The following SLC25A48 variants were observed in gnomAD, a reference collection of about 807,000 sequenced individuals.
SLC25A48 encodes the protein CTC-321K16.1.
A neutral mutation model predicts 32.2 loss-of-function variants in SLC25A48; 29 were observed. The observed-to-expected ratio is 0.90, with a 90% confidence interval of 0.67 to 1.23. The LOEUF is 1.23. Ranked by LOEUF, SLC25A48 falls within the 50% of genes most tolerant of loss-of-function variation. The pLI is 0.00. For synonymous variants in SLC25A48, 164 were observed against 172.3 expected (o/e 0.95, Z 0.38); for missense variants, 399 against 422.7 (o/e 0.94, Z 0.49).
chr5:135,883,401 G>C, intron 7 of SLC25A48: 10 of 985,454 alleles, frequency 1.0e-5, no homozygotes, highest in Non-Finnish European at 1.2e-5. Flanking sequence ...TGAATTCATG[G>C]AAGAGCTGGA....
At chr5:135,775,596 T>A (rs1000952651) in intron 3 of SLC25A48, among the ~76,000 whole-genome samples, 9 of 151,414 alleles carry the variant, frequency 5.9e-5, no homozygotes, top group East Asian at 1.9e-4. Flanking sequence ...ATAATAGTAA[T>A]CTTAATAACG....
chr5:135,749,500 A>G (rs991877226), intron 3 of SLC25A48, among the ~76,000 whole-genome samples: 2 of 152,142 alleles, frequency 1.3e-5, no homozygotes, highest in African/African-American at 2.4e-5. Context: ...CTGGGCAGGA[A>G]TCTGATCTGC....
chr5:135,780,728 T>C lies in SLC25A48; in HGVS notation c.-520-31795T>C, dbSNP rs1756698722. On this transcript the variant is annotated intron_variant, in intron 3 of 10. Transcript: ENST00000646290. ...TATATCCAGGGTTGGGAGAGGATGA[T>C]ATTATACCCAAAATTGCAGGGGGTG... Among the ~76,000 whole-genome samples, 4 of 116,172 alleles carry C rather than the reference T, an allele frequency of 3.4e-5. 1 individual carries two copies. In the South Asian group the frequency reaches 1.2e-3, roughly 36 times the overall value. The allele number at this position is 116,172 out of a possible 152,430, so 76.2% of individuals were successfully genotyped here. A position where few individuals can be genotyped will look rare whatever the true frequency, so the allele number is the denominator to read the frequency against.
rs113439837 is a variant in SLC25A48, at chr5:135,879,615, T to A, written c.814-353T>A. ...GAGAGAGAGAGAGAGAGAGAGAGTG[T>A]GTGTGTGTGTGTGTGTGTGTGTGTG... is the stretch of plus-strand genomic sequence containing the variant. On this transcript the variant is annotated intron_variant, in intron 6 of 7. Coordinates refer to ENST00000681962, the MANE Select transcript of SLC25A48 (RefSeq NM_001349336.2). 3.4e-3 allele frequency among the ~76,000 whole-genome samples: 431 copies of A among 127,014 alleles called. 2 individuals carry two copies. Among genetic ancestry groups the A allele is most frequent in the East Asian group, 7.6e-3 (38 of 5,016 alleles). 83.3% of individuals were successfully genotyped at this position (127,014 alleles called of 152,430 possible).
rs143264368 is a variant in SLC25A48, at chr5:135,638,564, G to T, written c.-521+3608G>T. ...ACTGTGCTCATTTTGTTTCTGAGTTGTGTGCAGTGGATTGTGTATCACTTA... is the reference window on the plus strand; with the variant it reads ...ACTGTGCTCATTTTGTTTCTGAGTTTTGTGCAGTGGATTGTGTATCACTTA... On this transcript the variant is annotated intron_variant, in intron 3 of 10. Transcript: ENST00000646290. Among the ~76,000 whole-genome samples the T allele has an allele frequency of 1.6e-3, 251 of 152,310 alleles. 1 individual carries two copies. Among genetic ancestry groups the T allele is most frequent in the African/African-American group, 5.8e-3 (240 of 41,566 alleles).
At chr5:135,808,067 GT>G (rs1757504598) in intron 3 of SLC25A48, among the ~76,000 whole-genome samples, 1 of 150,268 alleles carries the variant, frequency 6.7e-6, no homozygotes. Flanking sequence ...ATATCATAGT[GT>G]GTTAACACTA....
At chr5:135,738,062 G>A (rs1755417024) in intron 3 of SLC25A48, among the ~76,000 whole-genome samples, 1 of 152,198 alleles carries the variant, frequency 6.6e-6, no homozygotes, top group Admixed American at 6.5e-5. Context: ...GACTGTGATA[G>A]AGACTTTCCT....
intron 1 of SLC25A48, among the ~76,000 whole-genome samples, chr5:135,624,906 T>C (rs1245235056): frequency 1.3e-5 from 2 of 152,154 alleles, no homozygotes; most frequent in Non-Finnish European, 2.9e-5. Flanking sequence ...GCTAATACAA[T>C]GAAGTGATGT....
intron 4 of SLC25A48, among the ~76,000 whole-genome samples, chr5:135,866,715 C>A (rs1322382357): frequency 6.6e-6 from 1 of 152,244 alleles, no homozygotes; most frequent in African/African-American, 2.4e-5. Context: ...GCCAGATAGC[C>A]ATGGCCTGTG....
chr5:135,767,989 T>C (rs1210366852), intron 3 of SLC25A48, among the ~76,000 whole-genome samples: 3 of 145,292 alleles, frequency 2.1e-5, no homozygotes, highest in Non-Finnish European at 4.5e-5. Flanking sequence ...ACTCCCAATA[T>C]CACAGCGGGT....
intron 1 of SLC25A48, among the ~76,000 whole-genome samples, chr5:135,604,009 C>T (rs1002005487): frequency 6.6e-6 from 1 of 152,194 alleles, no homozygotes; most frequent in Non-Finnish European, 1.5e-5. Flanking sequence ...AGAAAACAAA[C>T]AGCTTTGACT....
intron 4 of SLC25A48, among the ~76,000 whole-genome samples, chr5:135,815,025 A>G (rs1228710457): frequency 1.3e-5 from 2 of 152,204 alleles, no homozygotes; most frequent in African/African-American, 4.8e-5. Context: ...GTTTCATCTT[A>G]CACAGTGAAT....
intron 3 of SLC25A48, among the ~76,000 whole-genome samples, chr5:135,704,948 G>A (rs959248350): frequency 1.3e-5 from 2 of 152,162 alleles, no homozygotes; most frequent in Non-Finnish European, 2.9e-5. Flanking sequence ...CAGGTGTTGG[G>A]GCTGAGAGGA....
chr5:135,600,085 C>T (rs971345628), intron 1 of SLC25A48, among the ~76,000 whole-genome samples: 1 of 152,194 alleles, frequency 6.6e-6, no homozygotes. Flanking sequence ...GTCAAGGATA[C>T]TTCTTCTGGC....
At chr5:135,696,664 A>G (rs74648339) in intron 3 of SLC25A48, among the ~76,000 whole-genome samples, 3,509 of 152,310 alleles carry the variant, frequency 0.023, 52 homozygotes, top group Non-Finnish European at 0.031. Context: ...ACCTTGGAGG[A>G]GACCCAACTG....
chr5:135,795,178 G>A (rs1479434482), intron 3 of SLC25A48, among the ~76,000 whole-genome samples: 2 of 151,796 alleles, frequency 1.3e-5, no homozygotes, highest in African/African-American at 2.4e-5. Context: ...CGCAAGGGGT[G>A]TACACCCACC....
intron 3 of SLC25A48, among the ~76,000 whole-genome samples, chr5:135,756,244 A>G (rs1039505831): frequency 2.0e-5 from 3 of 152,116 alleles, no homozygotes; most frequent in Non-Finnish European, 4.4e-5. Flanking sequence ...TCTACATGGT[A>G]TTTATAACAT....
intron 1 of SLC25A48, among the ~76,000 whole-genome samples, chr5:135,591,030 C>T (rs753399012): frequency 2.6e-5 from 4 of 152,236 alleles, no homozygotes; most frequent in Non-Finnish European, 4.4e-5. Flanking sequence ...CCTCTCAGTG[C>T]TGCCTGGCAC....
At chr5:135,645,662 G>A (rs1752942077) in intron 3 of SLC25A48, among the ~76,000 whole-genome samples, 1 of 152,196 alleles carries the variant, frequency 6.6e-6, no homozygotes, top group Non-Finnish European at 1.5e-5. Flanking sequence ...ATTGAGGGCA[G>A]AGACTACTGG....
Sources: allele counts gnomAD v4.1 joint callset (sites outside exome capture counted in the v4.1 genomes callset), GRCh38; gene constraint gnomAD v4.1.1; transcripts MANE v1.5; gene names NCBI Gene and HGNC (gene_info 2026-07-23, HGNC 2026-07-21).